The following EML6 variants were observed in gnomAD, a reference collection of about 807,000 sequenced individuals.
EML6 encodes EMAP like 6.
A neutral mutation model predicts 240.1 loss-of-function variants in EML6; 154 were observed. The ratio of observed to expected loss-of-function variants is 0.64; its 90% confidence interval spans 0.56 to 0.73. The LOEUF is 0.73. Among genes scored for constraint, EML6 ranks in the 30% least tolerant of loss-of-function variants. The probability of loss-of-function intolerance (pLI) is 0.00; values close to 1 mark genes in which losing one functional copy is unlikely to be tolerated. For synonymous variants in EML6, 1,148 were observed against 899.0 expected (o/e 1.28, Z -4.95); for missense variants, 2,964 against 2,474.6 (o/e 1.20, Z -4.20).
chr2:54,946,421 G>GA (rs536678375), intron 28 of EML6, among the ~76,000 whole-genome samples: 44 of 152,278 alleles, frequency 2.9e-4, no homozygotes, highest in South Asian at 8.3e-4. Context: ...GAAAGTGAGT[G>GA]AATGTCCTCA....
At position 54,952,840 on chromosome 2, in the gene EML6, G is replaced by A. The variant is rs955225906; in HGVS notation, c.4312+148G>A. On this transcript the variant is annotated intron_variant, in intron 31 of 41. Transcript: ENST00000356458. Reference sequence around the variant, plus strand: ...GATTTTTTGAGTCCTGAGTGTATCTGTGTCACCTGCGTTGACACATCCAGT... The same window carrying A: ...GATTTTTTGAGTCCTGAGTGTATCTATGTCACCTGCGTTGACACATCCAGT... 6.5e-6 allele frequency: 4 copies of A among 618,716 alleles called. No individual in the cohort carries two copies. The African/African-American group carries it at 7.3e-5, about 11-fold the overall frequency. The allele number at this position is 618,716 out of a possible 1,614,324, so 38.3% of individuals were successfully genotyped here.
chr2:54,731,704 C>G (rs1035264204), intron 2 of EML6, among the ~76,000 whole-genome samples: 6 of 152,140 alleles, frequency 3.9e-5, no homozygotes, highest in African/African-American at 1.4e-4. Flanking sequence ...TTGCGCTGAA[C>G]TATACTATCT....
At chr2:54,906,894 T>A (rs1199661763) in intron 24 of EML6, among the ~76,000 whole-genome samples, 1 of 152,202 alleles carries the variant, frequency 6.6e-6, no homozygotes, top group Non-Finnish European at 1.5e-5. Flanking sequence ...GAGCAGAATT[T>A]AGAAGCAGGG....
chr2:54,929,474 A>C (rs1469397456), intron 28 of EML6, among the ~76,000 whole-genome samples: 3 of 152,250 alleles, frequency 2.0e-5, no homozygotes, highest in African/African-American at 7.2e-5. Flanking sequence ...AAAAACTCTT[A>C]ATAACTAAAG....
rs1483732642 is a variant in EML6, at chr2:54,971,401, G to C, written c.*1306G>C. 1 of 152,214 alleles carries C rather than the reference G, an allele frequency of 6.6e-6. No homozygotes were observed. Among genetic ancestry groups the C allele is most frequent in the East Asian group, 1.9e-4 (1 of 5,194 alleles). 9.4% of individuals were successfully genotyped at this position (152,214 alleles called of 1,614,324 possible). A position where few individuals can be genotyped will look rare whatever the true frequency, so the allele number is the denominator to read the frequency against. ...GAGTTGGTGCGGGACTGGTGGTTCT[G>C]AGCACATAGACGCCTATTAGTCCTT... On this transcript the variant is annotated 3_prime_UTR_variant, in exon 42 of 42. Coordinates refer to ENST00000356458, the MANE Select transcript of EML6 (RefSeq NM_001039753.4).
chr2:54,733,236 G>A (rs534792909), intron 2 of EML6, among the ~76,000 whole-genome samples: 2 of 152,290 alleles, frequency 1.3e-5, no homozygotes, highest in East Asian at 3.9e-4. Flanking sequence ...TTTTTCTAAG[G>A]CTATGGAGAA....
intron 26 of EML6, among the ~76,000 whole-genome samples, chr2:54,927,182 G>C (rs1674595285): frequency 1.3e-5 from 2 of 152,196 alleles, no homozygotes; most frequent in African/African-American, 4.8e-5. Flanking sequence ...TTTGCTTCAG[G>C]AATCTTTCTA....
intron 25 of EML6, among the ~76,000 whole-genome samples, chr2:54,913,181 T>G (rs1286157092): frequency 6.6e-6 from 1 of 151,974 alleles, no homozygotes; most frequent in Non-Finnish European, 1.5e-5. Flanking sequence ...AAACATTTTT[T>G]CATATTTGTT....
intron 2 of EML6, among the ~76,000 whole-genome samples, chr2:54,792,081 A>C (rs1669484962): frequency 6.6e-6 from 1 of 152,192 alleles, no homozygotes; most frequent in African/African-American, 2.4e-5. Context: ...CAGTTTTTTA[A>C]AAGTTCAGAA....
rs566206153 is a variant in EML6, at chr2:54,735,594, C to G, written c.197+10336C>G. Among the ~76,000 whole-genome samples the G allele has an allele frequency of 8.5e-4, 130 of 152,240 alleles. 2 individuals are homozygous for G. Among genetic ancestry groups the G allele is most frequent in the African/African-American group, 2.8e-3 (117 of 41,540 alleles). On this transcript the variant is annotated intron_variant, in intron 2 of 41. Coordinates refer to ENST00000356458, the MANE Select transcript of EML6 (RefSeq NM_001039753.4). ...TTCTTCCTTATACTTCTCTACTGGC[C>G]TAGATGGAAAATACAGCCATTGAGG...
intron 2 of EML6, among the ~76,000 whole-genome samples, chr2:54,753,175 G>A (rs1684251590): frequency 6.6e-6 from 1 of 152,214 alleles, no homozygotes; most frequent in Non-Finnish European, 1.5e-5. Flanking sequence ...TTCTTGCCAA[G>A]ACTTGGTATT....
At chr2:54,850,448 G>A (rs951357790) in intron 10 of EML6, 1 of 485,014 alleles carries the variant, frequency 2.1e-6, no homozygotes, top group Non-Finnish European at 3.7e-6. Flanking sequence ...AAAAGTTGCT[G>A]CACAACAAGG....
chr2:54,763,736 T>A (rs2103769694), intron 2 of EML6, among the ~76,000 whole-genome samples: 1 of 152,242 alleles, frequency 6.6e-6, no homozygotes, highest in East Asian at 1.9e-4. Flanking sequence ...AAAAATTGGG[T>A]ATGACATTAA....
chr2:54,903,086 C>T lies in EML6; in HGVS notation c.3167C>T (p.Ala1056Val). The change falls in exon 23 of 42, where the codon GCG (alanine) becomes GTG (valine). Residue 1056 changes from alanine (A) to valine (V), a missense_variant. Physicochemically the swap from Ala to Val is moderately conservative, Grantham distance 64 (BLOSUM62 0). Coordinates refer to ENST00000356458, the MANE Select transcript of EML6 (RefSeq NM_001039753.4). ...CAFSPDGKAL[A>V]VGLNDGSFLV... is the part of the protein sequence containing the mutation. The stretch of plus-strand genomic sequence containing the variant: ...TTTTCCCCTGATGGGAAAGCCTTAG[C>T]GGTTGGCTTGAACGATGGGAGTTTC... 4.5e-6 allele frequency: 7 copies of T among 1,551,714 alleles called. No individual in the cohort carries two copies. The highest frequency in any genetic ancestry group is 5.2e-6 in the Non-Finnish European group (6 of 1,146,956).
intron 25 of EML6, among the ~76,000 whole-genome samples, chr2:54,915,811 T>G (rs1033334355): frequency 1.3e-5 from 2 of 152,124 alleles, no homozygotes; most frequent in African/African-American, 4.8e-5. Flanking sequence ...GGCTTTAATT[T>G]TAGCTACAGT....
intron 21 of EML6, among the ~76,000 whole-genome samples, chr2:54,899,430 A>G (rs926786265): frequency 2.0e-5 from 3 of 152,248 alleles, no homozygotes; most frequent in African/African-American, 4.8e-5. Flanking sequence ...CAAATGAATG[A>G]TTTAGCATCG....
At chr2:54,852,694 T>A (rs1228543823) in intron 10 of EML6, among the ~76,000 whole-genome samples, 2 of 152,252 alleles carry the variant, frequency 1.3e-5, no homozygotes, top group African/African-American at 4.8e-5. Context: ...GTAATGCTGT[T>A]ACAGTCTAGA....
At chr2:54,806,260 T>G (rs890453959) in intron 2 of EML6, among the ~76,000 whole-genome samples, 3 of 152,190 alleles carry the variant, frequency 2.0e-5, no homozygotes, top group Non-Finnish European at 4.4e-5. Flanking sequence ...TAGTCTTATT[T>G]TTAAATTCAA....
At position 54,828,070 on chromosome 2, in the gene EML6, G is replaced by A. The variant is rs181688999; in HGVS notation, c.711+319G>A. On this transcript the variant is annotated intron_variant, in intron 6 of 41. Transcript: ENST00000356458. ...CTTTAATGTGCCCATGAGTTTCTGG[G>A]GAATCATGTTAAAATGCAGATTCTG... Among the ~76,000 whole-genome samples the A allele has an allele frequency of 5.5e-4, 84 of 152,252 alleles. 1 individual carries two copies. The highest frequency in any genetic ancestry group is 1.9e-3 in the African/African-American group (80 of 41,548).
Sources: gnomAD v4.1 joint callset for allele counts (sites outside exome capture counted in the v4.1 genomes callset) on GRCh38, gnomAD v4.1.1 for gene constraint, MANE v1.5 for transcripts, NCBI Gene and HGNC (gene_info 2026-07-23, HGNC 2026-07-21) for gene names.